Variants in CPHXL observed in about 807,000 individuals in gnomAD.
CPHXL encodes the protein cytoplasmic polyadenylated homeobox-like protein.
intron 1 of CPHXL, among the ~76,000 whole-genome samples, chr16:75,719,755 G>A (rs1440131922): frequency 3.9e-5 from 6 of 152,140 alleles, no homozygotes; most frequent in African/African-American, 1.4e-4. Context: ...GAAGAGAGTA[G>A]CGGTTCTCCC....
At chr16:75,717,317 T>C (rs1959406860) in intron 2 of CPHXL, among the ~76,000 whole-genome samples, 1 of 152,272 alleles carries the variant, frequency 6.6e-6, no homozygotes, top group South Asian at 2.1e-4. Flanking sequence ...TCTTATGCGA[T>C]GAAATGCTAT....
At chr16:75,724,483 T>C (rs1402830933) in intron 1 of CPHXL, among the ~76,000 whole-genome samples, 27 of 152,214 alleles carry the variant, frequency 1.8e-4, no homozygotes, top group Admixed American at 3.3e-4. Flanking sequence ...CAGACACTTC[T>C]CAAAAGAAGA....
At chr16:75,724,965 G>C (rs1959533457) in intron 1 of CPHXL, among the ~76,000 whole-genome samples, 1 of 152,200 alleles carries the variant, frequency 6.6e-6, no homozygotes, top group African/African-American at 2.4e-5. Flanking sequence ...ATGAGTTCAT[G>C]TCCTTTGTAG....
chr16:75,715,833 A>C (rs972463365), intron 2 of CPHXL, among the ~76,000 whole-genome samples: 9 of 151,940 alleles, frequency 5.9e-5, no homozygotes, highest in Admixed American at 5.9e-4. Context: ...AGTAGCTGGA[A>C]TTACAGGAGC....
At chr16:75,724,298 T>C (rs1000118828) in intron 1 of CPHXL, among the ~76,000 whole-genome samples, 1 of 152,176 alleles carries the variant, frequency 6.6e-6, no homozygotes, top group African/African-American at 2.4e-5. Context: ...CTAAAGAGCT[T>C]CTGCACAGTA....
chr16:75,724,087 C>T (rs1157609162), intron 1 of CPHXL, among the ~76,000 whole-genome samples: 1 of 152,208 alleles, frequency 6.6e-6, no homozygotes, highest in Non-Finnish European at 1.5e-5. Context: ...AAAGCTGAAA[C>T]TGGATCCCTT....
intron 1 of CPHXL, among the ~76,000 whole-genome samples, chr16:75,723,032 C>T (rs1021861945): frequency 1.3e-5 from 2 of 152,130 alleles, no homozygotes; most frequent in African/African-American, 4.8e-5. Flanking sequence ...CAGAAAAGGC[C>T]TTTGACAAAA....
chr16:75,715,408 A>G (rs1377283212), intron 2 of CPHXL, among the ~76,000 whole-genome samples, 186 bp from the exon 3 acceptor site: 2 of 152,200 alleles, frequency 1.3e-5, no homozygotes, highest in East Asian at 3.9e-4. Context: ...GTGATAACAC[A>G]GGTCATGCAT....
At chr16:75,725,136 G>T (rs1959536139) in intron 1 of CPHXL, among the ~76,000 whole-genome samples, 1 of 145,906 alleles carries the variant, frequency 6.9e-6, no homozygotes. Flanking sequence ...GGGGTCGGGG[G>T]AGGGGGGAGG....
At chr16:75,718,494 G>A (rs1959426808) in intron 1 of CPHXL, 36 bp from the exon 2 acceptor site, 1 of 398,328 alleles carries the variant, frequency 2.5e-6, no homozygotes, top group Non-Finnish European at 4.4e-6. Context: ...GGGCATTAGA[G>A]AATATTGGTA....
chr16:75,718,235 G>A (rs1597220128), intron 2 of CPHXL, 30 bp downstream of exon 2: 1 of 398,124 alleles, frequency 2.5e-6, no homozygotes, highest in South Asian at 1.3e-4. Context: ...AAAAAATCTA[G>A]GAAATATACA....
intron 2 of CPHXL, among the ~76,000 whole-genome samples, chr16:75,717,519 GATACCTAAT>G (rs1283940895): frequency 6.6e-6 from 1 of 152,046 alleles, no homozygotes; most frequent in Non-Finnish European, 1.5e-5. Context: ...TACAATACCT[GATACCTAAT>G]ATAACACAAA....
At chr16:75,717,064 C>A (rs979953547) in intron 2 of CPHXL, among the ~76,000 whole-genome samples, 2 of 152,190 alleles carry the variant, frequency 1.3e-5, no homozygotes, top group Non-Finnish European at 2.9e-5. Context: ...TCCAAGTAAC[C>A]TTTGAGTCCA....
chr16:75,717,992 G>A (rs542431816), intron 2 of CPHXL, among the ~76,000 whole-genome samples: 2 of 152,244 alleles, frequency 1.3e-5, no homozygotes, highest in South Asian at 2.1e-4. Flanking sequence ...GGATGCTGAG[G>A]TGGGTAGATC....
chr16:75,714,167 T>A lies in CPHXL; in HGVS notation c.*57A>T. On this transcript the variant is annotated 3_prime_UTR_variant, in exon 3 of 3. Coordinates refer to ENST00000640559, the MANE Select transcript of CPHXL (RefSeq NM_001355613.1). ...ACTGTGTTTCTCTGACACTTAGCAC[T>A]ACTTTGCAGAGTTGCATCCTTGGTT... 1 of 398,714 alleles carries A rather than the reference T, an allele frequency of 2.5e-6. No homozygotes were observed. The allele number at this position is 398,714 out of a possible 1,614,324, so 24.7% of individuals were successfully genotyped here.
intron 1 of CPHXL, among the ~76,000 whole-genome samples, chr16:75,719,588 G>C (rs1272363884): frequency 6.6e-6 from 1 of 152,160 alleles, no homozygotes; most frequent in Non-Finnish European, 1.5e-5. Context: ...GCTTGCTTAG[G>C]TAAAAAAAGC....
At chr16:75,725,952 G>A (rs537706981) in intron 1 of CPHXL, among the ~76,000 whole-genome samples, 21 of 151,560 alleles carry the variant, frequency 1.4e-4, no homozygotes, top group African/African-American at 5.1e-4. Flanking sequence ...AATTATAATC[G>A]ATGACCTAAG....
chr16:75,723,787 T>C (rs913228115), intron 1 of CPHXL, among the ~76,000 whole-genome samples: 3 of 152,170 alleles, frequency 2.0e-5, no homozygotes, highest in African/African-American at 7.2e-5. Context: ...AGAGCCCACA[T>C]TGCCAAGTCA....
At chr16:75,716,659 G>C (rs1959397188) in intron 2 of CPHXL, among the ~76,000 whole-genome samples, 1 of 152,058 alleles carries the variant, frequency 6.6e-6, no homozygotes, top group Admixed American at 6.6e-5. Context: ...TTTATTGTAT[G>C]GTCATGATTG....
Sources: allele counts gnomAD v4.1 joint callset (sites outside exome capture counted in the v4.1 genomes callset), GRCh38; gene constraint gnomAD v4.1.1; transcripts MANE v1.5; gene names NCBI Gene and HGNC (gene_info 2026-07-23, HGNC 2026-07-21).